Variants in N4BP2 observed in about 807,000 individuals in gnomAD.
N4BP2 encodes NEDD4-binding protein 2.
Under a neutral mutation model 152.8 loss-of-function variants are expected in N4BP2, and 91 were observed. That is an observed-to-expected ratio of 0.60 (90% CI 0.50 to 0.71). N4BP2 has a LOEUF of 0.71. N4BP2 is among the 30% of genes least tolerant of loss of function. N4BP2 has a pLI of 0.00. For missense variants in N4BP2, 1,923 were observed against 2,059.1 expected, an observed-to-expected ratio of 0.93 and a Z score of 1.28; for synonymous variants, 646 against 705.3, an observed-to-expected ratio of 0.92 and a Z score of 1.33.
chr4:40,130,965 T>A (rs941880237), intron 12 of N4BP2, among the ~76,000 whole-genome samples: 1 of 152,142 alleles, frequency 6.6e-6, no homozygotes, highest in Non-Finnish European at 1.5e-5. Context: ...TTAGAGCAGA[T>A]CCAAATATGA....
chr4:40,126,398 A>AT (rs1718413586), intron 12 of N4BP2, 68 bp downstream of exon 12: 5 of 757,052 alleles, frequency 6.6e-6, no homozygotes, highest in African/African-American at 3.7e-5. Flanking sequence ...TTACTTTGTG[A>AT]TTTTTTCAAA....
At chr4:40,189,571 G>A in the N4BP2 span, among the ~76,000 whole-genome samples, 1 of 152,052 alleles carries the variant, frequency 6.6e-6, no homozygotes, top group Non-Finnish European at 1.5e-5. This position sits in a 1 kb window ranked among gnomAD's most constrained non-coding sequence, Gnocchi z 4.3. Flanking sequence ...TTAAACCTAC[G>A]GATTTACGCC....
intron 3 of N4BP2, chr4:40,100,001 G>A (rs190433464): frequency 4.0e-4 from 175 of 440,712 alleles, no homozygotes; most frequent in African/African-American, 3.6e-3. Flanking sequence ...TGCCAGGCTT[G>A]CCCCCTCCAA....
intron 14 of N4BP2, among the ~76,000 whole-genome samples, chr4:40,137,599 G>A (rs1719522855): frequency 1.3e-5 from 2 of 152,136 alleles, no homozygotes; most frequent in Admixed American, 6.5e-5. Context: ...TTTTAATCAG[G>A]TATGGTAAGA....
intron 2 of N4BP2, among the ~76,000 whole-genome samples, chr4:40,093,207 G>A (rs540152994): frequency 6.6e-6 from 1 of 151,940 alleles, no homozygotes; most frequent in Non-Finnish European, 1.5e-5. Flanking sequence ...GCCTCCCAAA[G>A]TGCTGGGATT....
chr4:40,149,631 A>G (rs1560648111), intron 16 of N4BP2, among the ~76,000 whole-genome samples: 2 of 152,234 alleles, frequency 1.3e-5, no homozygotes, highest in African/African-American at 4.8e-5. Context: ...TCAGTGGCTC[A>G]TGCCTGTAAT....
chr4:40,140,734 C>G lies in N4BP2; in HGVS notation c.4786-1939C>G, dbSNP rs538919461. 2.9e-3 allele frequency among the ~76,000 whole-genome samples: 436 copies of G among 151,852 alleles called. 3 individuals carry two copies. The highest frequency in any genetic ancestry group is 1.0e-2 in the African/African-American group (413 of 41,344). ...TGGTTTTCCTAGGCAGAGGACCCTG[C>G]GGCCTTCCGCAGTGTTTGTGTCCCT... On this transcript the variant is annotated intron_variant, in intron 14 of 17. Transcript: ENST00000261435.
intron 2 of N4BP2, among the ~76,000 whole-genome samples, chr4:40,092,003 A>AC (rs1714603180): frequency 1.3e-5 from 1 of 75,882 alleles, no homozygotes; most frequent in Non-Finnish European, 2.5e-5. Flanking sequence ...AAAAAAAAAA[A>AC]AAAATTATAT....
At chr4:40,148,280 C>T (rs1342956928) in intron 16 of N4BP2, among the ~76,000 whole-genome samples, 1 of 152,240 alleles carries the variant, frequency 6.6e-6, no homozygotes, top group Non-Finnish European at 1.5e-5. Flanking sequence ...GAAACCCTGT[C>T]TCCACCAAAA....
At chr4:40,090,295 T>A (rs1202036048) in intron 2 of N4BP2, among the ~76,000 whole-genome samples, 1 of 152,218 alleles carries the variant, frequency 6.6e-6, no homozygotes, top group Non-Finnish European at 1.5e-5. Context: ...AGAATAATTT[T>A]ATCTATATCT....
intron 11 of N4BP2, among the ~76,000 whole-genome samples, chr4:40,125,318 C>T (rs1718290204): frequency 6.6e-6 from 1 of 152,206 alleles, no homozygotes; most frequent in African/African-American, 2.4e-5. Context: ...ACATTAAATT[C>T]TGTTGTTGTG....
Position 40,156,250 on chromosome 4 carries a change from G to A in N4BP2, c.*2013G>A, listed in dbSNP as rs985998626. 4 of 151,914 alleles carry A rather than the reference G, an allele frequency of 2.6e-5. No homozygotes were observed. In the East Asian group the frequency reaches 5.8e-4, roughly 22 times the overall value. 9.4% of individuals were successfully genotyped at this position (151,914 alleles called of 1,614,324 possible). A position where few individuals can be genotyped will look rare whatever the true frequency, so the allele number is the denominator to read the frequency against. On this transcript the variant is annotated 3_prime_UTR_variant, in exon 18 of 18. Transcript: ENST00000261435. ...CTAGTTTTAAAAATCATCACTTTTC[G>A]GCACTTCAGCTAGACTTATTTCAAT...
At chr4:40,167,388 A>G in the N4BP2 span, 1 of 152,250 alleles carries the variant, frequency 6.6e-6, no homozygotes, top group Non-Finnish European at 1.5e-5. Flanking sequence ...ACATACTCTG[A>G]CAGAATTCCT....
intron 15 of N4BP2, 142 bp downstream of exon 15, chr4:40,143,003 C>G: frequency 1.5e-6 from 1 of 666,796 alleles, no homozygotes; most frequent in Non-Finnish European, 2.5e-6. Flanking sequence ...ATAAGGTATC[C>G]TAAGAAATGT....
rs1324887743 is a variant in N4BP2, at chr4:40,097,566, A to T, written c.226A>T (p.Lys76Ter). 1 of 1,603,886 alleles carries T rather than the reference A, an allele frequency of 6.2e-7. No individual in the cohort carries two copies. Among genetic ancestry groups the T allele is most frequent in the Non-Finnish European group, 8.5e-7 (1 of 1,171,344 alleles). ...VYLMLSECDFKVENAMDCLLE... is the reference protein window; with the variant it reads ...VYLMLSECDF ...TTTGATGCTTTCTGAATGTGATTTC[A>T]AAGGTGAGAAAAAGTTTAGTTTGAA... Residue 76 changes from lysine to a stop codon, truncating the protein, a stop_gained, in exon 3 of 18, where the codon AAA becomes TAA. Coordinates refer to ENST00000261435, the MANE Select transcript of N4BP2 (RefSeq NM_018177.6). LOFTEE classifies it high-confidence loss of function.
intron 11 of N4BP2, 22 bp from the exon 12 acceptor site, chr4:40,126,112 C>G (rs1718380004): frequency 7.1e-7 from 1 of 1,402,714 alleles, no homozygotes. Flanking sequence ...GAGAGTATGA[C>G]AGTATTTATA....
At chr4:40,097,133 G>T in intron 2 of N4BP2, 94 bp from the exon 3 acceptor site, 1 of 498,224 alleles carries the variant, frequency 2.0e-6, no homozygotes, top group East Asian at 3.3e-5. Flanking sequence ...GTTAGAGTTG[G>T]TGGTACTTTC....
rs767536196 is a variant in N4BP2, at chr4:40,102,916, G to A, written c.1071G>A (p.Pro357=). ...LAPLPLLLPP[P]PPPPMWNPMI... is the part of the protein sequence containing the mutation. ...CTCTCCCATTGCTGTTGCCTCCTCC[G>A]CCACCTCCACCGATGTGGAATCCAA... Residue 357 remains proline (P), a synonymous_variant, in exon 4 of 18, where the codon CCG becomes CCA. Coordinates refer to ENST00000261435, the MANE Select transcript of N4BP2 (RefSeq NM_018177.6). The A allele has an allele frequency of 9.3e-6, 15 of 1,613,984 alleles. No individual in the cohort carries two copies. The highest frequency in any genetic ancestry group is 1.3e-5 in the Non-Finnish European group (15 of 1,180,036).
At chr4:40,079,751 G>A (rs1713164496) in intron 2 of N4BP2, among the ~76,000 whole-genome samples, 1 of 152,120 alleles carries the variant, frequency 6.6e-6, no homozygotes, top group South Asian at 2.1e-4. Context: ...GTGGTGAGCT[G>A]AGATCATGCC....
Sources: gnomAD v4.1 joint callset for allele counts (sites outside exome capture counted in the v4.1 genomes callset) on GRCh38, gnomAD v4.1.1 for gene constraint, Gnocchi (gnomAD v3.1) non-coding constraint, MANE v1.5 for transcripts, NCBI Gene and HGNC (gene_info 2026-07-23, HGNC 2026-07-21) for gene names.